The following DMXL1 variants were observed in gnomAD, a reference collection of about 807,000 sequenced individuals.
The protein encoded by DMXL1 is dmX-like protein 1.
In DMXL1, 99 loss-of-function variants were observed where a neutral mutation model predicts 319.2. The ratio of observed to expected loss-of-function variants is 0.31; its 90% CI spans 0.26 to 0.37. The LOEUF (loss-of-function observed/expected upper bound fraction) is 0.37. DMXL1 is among the 10% of genes least tolerant of loss of function. The pLI, the probability that DMXL1 is intolerant of heterozygous loss-of-function variation, is 1.00. For synonymous variants in DMXL1, 1,385 were observed against 1,235.2 expected (o/e 1.12, Z -2.54); for missense variants, 3,745 against 3,595.6 (o/e 1.04, Z -1.06).
At chr5:119,135,269 C>T (rs111333606) in intron 13 of DMXL1, among the ~76,000 whole-genome samples, 5 of 151,492 alleles carry the variant, frequency 3.3e-5, no homozygotes, top group Non-Finnish European at 5.9e-5. Flanking sequence ...AGCTTATATT[C>T]GGGTGAAGGG....
chr5:119,184,242 A>C (rs191111030), intron 28 of DMXL1, among the ~76,000 whole-genome samples: 2 of 151,934 alleles, frequency 1.3e-5, no homozygotes, highest in African/African-American at 4.8e-5. Flanking sequence ...TTTAAGTTTT[A>C]TTTTTATAGA....
intron 32 of DMXL1, among the ~76,000 whole-genome samples, chr5:119,199,601 C>G (rs1780308962): frequency 1.3e-5 from 2 of 152,166 alleles, no homozygotes; most frequent in Non-Finnish European, 2.9e-5. Context: ...TTTGCTAGGT[C>G]AAATGATAGT....
At position 119,071,640 on chromosome 5, in the gene DMXL1, G is replaced by T. The variant is rs771966642; in HGVS notation, c.71G>T (p.Gly24Val). 1.2e-5 allele frequency: 19 copies of T among 1,592,674 alleles called. No homozygotes were observed. In the African/African-American group the frequency reaches 2.2e-4, roughly 18 times the overall value. The change falls in exon 1 of 44, where the codon GGC becomes GTC. Residue 24 changes from glycine (G) to valine (V), a missense_variant. Coordinates refer to ENST00000539542, the MANE Select transcript of DMXL1 (RefSeq NM_001290321.3). ...CACTGCTTCTCCGTGGGCAGCATTG[G>T]CGACCAGCGCTTCACGGTGAGTGAG... The part of the protein sequence containing the change: ...GDHCFSVGSI[G>V]DQRFTAYASG...
intron 10 of DMXL1, 111 bp from the exon 11 acceptor site, chr5:119,133,021 T>G (rs912218422): frequency 8.4e-7 from 1 of 1,196,084 alleles, no homozygotes; most frequent in Non-Finnish European, 1.2e-6. Context: ...TTCCATGCTC[T>G]CCTTAGGCAT....
chr5:119,242,514 A>T (rs1171822281), intron 42 of DMXL1, among the ~76,000 whole-genome samples: 2 of 152,242 alleles, frequency 1.3e-5, no homozygotes, highest in Admixed American at 6.5e-5. Flanking sequence ...ATTAGAAGAC[A>T]CAATATTCTT....
intron 28 of DMXL1, among the ~76,000 whole-genome samples, chr5:119,182,635 T>G (rs1776982234): frequency 6.6e-6 from 1 of 152,048 alleles, no homozygotes; most frequent in Non-Finnish European, 1.5e-5. Context: ...GCTTCATAAC[T>G]GAAGGAAATT....
At chr5:119,217,761 A>G (rs1255506467) in intron 35 of DMXL1, among the ~76,000 whole-genome samples, 2 of 152,166 alleles carry the variant, frequency 1.3e-5, no homozygotes, top group Non-Finnish European at 2.9e-5. Context: ...ATGTATATGT[A>G]ATATGTAATA....
At chr5:119,157,558 G>A (rs914524342) in intron 19 of DMXL1, among the ~76,000 whole-genome samples, 6 of 152,124 alleles carry the variant, frequency 3.9e-5, no homozygotes, top group Non-Finnish European at 8.8e-5. Flanking sequence ...AGTTTTCCCA[G>A]CACCATTTTT....
Position 119,248,368 on chromosome 5 carries a change from T to A in DMXL1, c.*1149T>A, listed in dbSNP as rs1165479177. The A allele has an allele frequency of 6.6e-6, 1 of 152,546 alleles. No individual in the cohort carries two copies. Among genetic ancestry groups the A allele is most frequent in the Non-Finnish European group, 1.5e-5 (1 of 67,956 alleles). 9.4% of individuals were successfully genotyped at this position (152,546 alleles called of 1,614,324 possible). On this transcript the variant is annotated 3_prime_UTR_variant, in exon 44 of 44. Coordinates refer to ENST00000539542, the MANE Select transcript of DMXL1 (RefSeq NM_001290321.3). ...TATTATAAAATATGACCAAAATATTTAAAATGCACAATGCTTTTAACTTAA... is the reference window on the plus strand; with the variant it reads ...TATTATAAAATATGACCAAAATATTAAAAATGCACAATGCTTTTAACTTAA...
In DMXL1 at chr5:119,146,973, T is replaced by C; in HGVS notation, c.2689+17T>C. The stretch of plus-strand genomic sequence containing the variant: ...TCTCATTAGGTGAGTCTTTTGTGTG[T>C]GTGTTTGTGCAACTTTAATAGGTGT... On this transcript the variant is annotated intron_variant, in intron 16 of 43. Coordinates refer to ENST00000539542, the MANE Select transcript of DMXL1 (RefSeq NM_001290321.3). 6.2e-7 allele frequency: 1 copy of C among 1,609,364 alleles called. No homozygotes were observed. Among genetic ancestry groups the C allele is most frequent in the Non-Finnish European group, 8.5e-7 (1 of 1,178,460 alleles).
chr5:119,101,973 A>G lies in DMXL1; in HGVS notation c.252A>G (p.Glu84=). 3 of 1,605,446 alleles carry G rather than the reference A, an allele frequency of 1.9e-6. No homozygotes were observed. Among genetic ancestry groups the G allele is most frequent in the South Asian group, 1.1e-5 (1 of 88,612 alleles). ...ATGGAAATGTTATCTCCATTTTTGA[A>G]CCAGTTAACCTACCAAAACAAAAGA... is the stretch of plus-strand genomic sequence containing the variant. ...ASYGNVISIF[E]PVNLPKQKKN... is the part of the protein sequence containing the mutation. The change falls in exon 3 of 44, where the codon GAA becomes GAG. Residue 84 remains glutamate (E), a synonymous_variant. Coordinates refer to ENST00000539542, the MANE Select transcript of DMXL1 (RefSeq NM_001290321.3).
At chr5:119,175,063 G>A (rs929457591) in intron 25 of DMXL1, among the ~76,000 whole-genome samples, 198 bp from the exon 26 acceptor site, 3 of 152,064 alleles carry the variant, frequency 2.0e-5, no homozygotes, top group Non-Finnish European at 4.4e-5. Context: ...GAAGACTTTA[G>A]CGTGTTTTCT....
chr5:119,172,754 C>T (rs1202504098), intron 25 of DMXL1, among the ~76,000 whole-genome samples: 1 of 151,642 alleles, frequency 6.6e-6, no homozygotes, highest in African/African-American at 2.4e-5. Flanking sequence ...TTTTAATAGT[C>T]TATCATGTAG....
intron 24 of DMXL1, 61 bp from the exon 25 acceptor site, chr5:119,171,717 T>A: frequency 7.4e-7 from 1 of 1,354,028 alleles, no homozygotes; most frequent in Non-Finnish European, 1.0e-6. Flanking sequence ...CTTGATTTAC[T>A]GAAGTAATGG....
At chr5:119,095,774 G>T (rs988049934) in intron 1 of DMXL1, among the ~76,000 whole-genome samples, 1 of 152,100 alleles carries the variant, frequency 6.6e-6, no homozygotes, top group South Asian at 2.1e-4. Context: ...TCTTGCTAAT[G>T]GTCTTATGAC....
intron 1 of DMXL1, among the ~76,000 whole-genome samples, chr5:119,082,586 A>G (rs1752485622): frequency 6.6e-6 from 1 of 152,028 alleles, no homozygotes. Context: ...GCCTTATTTT[A>G]TTTTTTAATT....
intron 23 of DMXL1, among the ~76,000 whole-genome samples, chr5:119,169,722 A>G (rs531308831): frequency 6.6e-5 from 10 of 152,302 alleles, no homozygotes; most frequent in African/African-American, 2.4e-4. Flanking sequence ...ATGATGTCCA[A>G]GTTATCAGTG....
chr5:119,194,909 T>G (rs1561846400), intron 30 of DMXL1, among the ~76,000 whole-genome samples: 1 of 152,000 alleles, frequency 6.6e-6, no homozygotes, highest in Non-Finnish European at 1.5e-5. Flanking sequence ...AAAAAAAATT[T>G]TAATGAACAA....
At chr5:119,174,997 C>T (rs1490242299) in intron 25 of DMXL1, among the ~76,000 whole-genome samples, 2 of 152,040 alleles carry the variant, frequency 1.3e-5, no homozygotes, top group African/African-American at 2.4e-5. Flanking sequence ...ACATCTGTTC[C>T]CCTTTGCTCT....
Sources: gnomAD v4.1 joint callset for allele counts (sites outside exome capture counted in the v4.1 genomes callset) on GRCh38, gnomAD v4.1.1 for gene constraint, MANE v1.5 for transcripts, NCBI Gene and HGNC (gene_info 2026-07-23, HGNC 2026-07-21) for gene names.